The following DGKI variants were observed in gnomAD, a reference collection of about 807,000 sequenced individuals.
The protein encoded by DGKI is diacylglycerol kinase iota, also known as DAG kinase iota.
Under a neutral mutation model 147.5 loss-of-function variants are expected in DGKI, and 55 were observed. That is an observed-to-expected ratio of 0.37 (90% confidence interval 0.30 to 0.47). The LOEUF is 0.47. Ranked by LOEUF, DGKI falls within the 20% of genes least tolerant of loss-of-function variation. DGKI has a pLI of 1.00. For synonymous variants in DGKI, 469 were observed against 477.1 expected, an observed-to-expected ratio of 0.98 and a Z score of 0.22; for missense variants, 1,007 against 1,323.8, an observed-to-expected ratio of 0.76 and a Z score of 3.71.
At chr7:137,699,310 C>T (rs1256235480) in intron 1 of DGKI, among the ~76,000 whole-genome samples, 1 of 152,178 alleles carries the variant, frequency 6.6e-6, no homozygotes, top group Non-Finnish European at 1.5e-5. Flanking sequence ...TGAGAGGGGG[C>T]ATAAACATAC....
chr7:137,623,960 A>C (rs1048645112), intron 6 of DGKI, among the ~76,000 whole-genome samples: 2 of 151,994 alleles, frequency 1.3e-5, no homozygotes, highest in Admixed American at 6.5e-5. Flanking sequence ...TTAGCATCCG[A>C]GAACCCAGAA....
intron 1 of DGKI, among the ~76,000 whole-genome samples, chr7:137,804,481 C>T (rs1797305917): frequency 6.6e-6 from 1 of 152,068 alleles, no homozygotes. Flanking sequence ...CCCCTGTGCC[C>T]CCATTTAACA....
chr7:137,493,009 T>C (rs1477024383), intron 21 of DGKI, among the ~76,000 whole-genome samples: 1 of 152,024 alleles, frequency 6.6e-6, no homozygotes, highest in Admixed American at 6.5e-5. Context: ...CATGCACTCA[T>C]CCAAGGCCAC....
chr7:137,566,366 GA>G (rs1325848123), intron 19 of DGKI, among the ~76,000 whole-genome samples: 5 of 149,718 alleles, frequency 3.3e-5, no homozygotes, highest in East Asian at 2.0e-4. Context: ...CATCCTGAAT[GA>G]AAAAAAAATA....
intron 12 of DGKI, among the ~76,000 whole-genome samples, chr7:137,591,322 C>G (rs1314195371): frequency 6.6e-6 from 1 of 152,170 alleles, no homozygotes; most frequent in Non-Finnish European, 1.5e-5. Flanking sequence ...GAAAATCTTG[C>G]ATTTCATCAT....
intron 1 of DGKI, among the ~76,000 whole-genome samples, chr7:137,693,691 T>C (rs1823686844): frequency 6.6e-6 from 1 of 152,220 alleles, no homozygotes; most frequent in Non-Finnish European, 1.5e-5. Context: ...AGTTAATGAA[T>C]GAACTTGACC....
At chr7:137,719,896 C>A (rs577822582) in intron 1 of DGKI, among the ~76,000 whole-genome samples, 3 of 152,170 alleles carry the variant, frequency 2.0e-5, no homozygotes, top group South Asian at 4.2e-4. Context: ...AGACAGTAAC[C>A]TGGTCCTGAA....
At chr7:137,541,234 T>TC (rs1455788997) in intron 20 of DGKI, among the ~76,000 whole-genome samples, 1 of 152,210 alleles carries the variant, frequency 6.6e-6, no homozygotes, top group East Asian at 1.9e-4. Flanking sequence ...GATCTGTGTG[T>TC]CTGTGTGTGC....
At chr7:137,439,140 ATTAT>A (rs1034817501) in intron 28 of DGKI, among the ~76,000 whole-genome samples, 1 of 152,202 alleles carries the variant, frequency 6.6e-6, no homozygotes, top group African/African-American at 2.4e-5. Context: ...CGTTTTGCTT[ATTAT>A]TTAAACTGAG....
Position 137,391,177 on chromosome 7 carries a change from A to T in DGKI, c.*43T>A. On this transcript the variant is annotated 3_prime_UTR_variant, in exon 33 of 33. Transcript: ENST00000614521. ...AGCTGCCCAATTGCAGGGAGGGCAG[A>T]TGTGATACGCTTGCTCATGTCCTCT... is the stretch of plus-strand genomic sequence containing the variant. 6.9e-7 allele frequency: 1 copy of T among 1,444,620 alleles called. No individual in the cohort carries two copies. The highest frequency in any genetic ancestry group is 9.7e-7 in the Non-Finnish European group (1 of 1,026,400). The allele number at this position is 1,444,620 out of a possible 1,614,324, so 89.5% of individuals were successfully genotyped here. A position where few individuals can be genotyped will look rare whatever the true frequency, so the allele number is the denominator to read the frequency against.
intron 28 of DGKI, among the ~76,000 whole-genome samples, chr7:137,423,780 C>G (rs12535976): frequency 0.41 from 61,908 of 152,018 alleles, 13,156 homozygotes; most frequent in East Asian, 0.74. Flanking sequence ...AATGCACATA[C>G]GGCAAAAGTG....
At chr7:137,452,612 T>C (rs577961139) in intron 27 of DGKI, among the ~76,000 whole-genome samples, 6 of 152,218 alleles carry the variant, frequency 3.9e-5, no homozygotes, top group Non-Finnish European at 8.8e-5. Context: ...CTCTTTACTG[T>C]CTAGCTTTGG....
At chr7:137,741,525 G>A (rs781284085) in intron 1 of DGKI, among the ~76,000 whole-genome samples, 11 of 152,088 alleles carry the variant, frequency 7.2e-5, no homozygotes, top group Non-Finnish European at 1.5e-4. Flanking sequence ...TTCCTTTTAG[G>A]ATCACAGAGG....
intron 1 of DGKI, among the ~76,000 whole-genome samples, chr7:137,823,175 G>T (rs903307208): frequency 6.6e-6 from 1 of 152,064 alleles, no homozygotes; most frequent in Middle Eastern, 3.4e-3. Flanking sequence ...CACCAGTTTT[G>T]AAATTCCTAA....
At chr7:137,742,148 A>C (rs1795190161) in intron 1 of DGKI, among the ~76,000 whole-genome samples, 1 of 152,152 alleles carries the variant, frequency 6.6e-6, no homozygotes, top group African/African-American at 2.4e-5. Context: ...ACAGGAAAAG[A>C]GATAAACTCA....
At chr7:137,426,413 A>T (rs1400409123) in intron 28 of DGKI, among the ~76,000 whole-genome samples, 3 of 152,176 alleles carry the variant, frequency 2.0e-5, no homozygotes, top group African/African-American at 7.2e-5. Context: ...TAAACATAGA[A>T]AGGAACAACC....
At chr7:137,586,084 T>A (rs542836099) in intron 13 of DGKI, among the ~76,000 whole-genome samples, 1 of 152,292 alleles carries the variant, frequency 6.6e-6, no homozygotes, top group South Asian at 2.1e-4. Flanking sequence ...TATCTGAATA[T>A]AATTTTCACA....
intron 1 of DGKI, among the ~76,000 whole-genome samples, chr7:137,768,656 A>T (rs1796089283): frequency 6.6e-6 from 1 of 152,186 alleles, no homozygotes; most frequent in Non-Finnish European, 1.5e-5. Flanking sequence ...GCTGTGCCTC[A>T]TTACATAAGG....
At chr7:137,769,796 C>T (rs904507055) in intron 1 of DGKI, among the ~76,000 whole-genome samples, 7 of 152,148 alleles carry the variant, frequency 4.6e-5, no homozygotes, top group East Asian at 1.9e-4. Context: ...CCAGTCAGAA[C>T]GGCAATTGTT....
Sources: allele counts gnomAD v4.1 joint callset (sites outside exome capture counted in the v4.1 genomes callset), GRCh38; gene constraint gnomAD v4.1.1; transcripts MANE v1.5; gene names NCBI Gene and HGNC (gene_info 2026-07-23, HGNC 2026-07-21).